Variants in DAB1 observed in about 807,000 individuals in gnomAD.
DAB1 encodes DAB adaptor protein 1.
Under a neutral mutation model 64.6 loss-of-function variants are expected in DAB1, and 15 were observed. That is an observed-to-expected ratio of 0.23 (90% confidence interval 0.16 to 0.36). The LOEUF (loss-of-function observed/expected upper bound fraction) is 0.36, where lower values mean the gene tolerates loss of function less well. Ranked by LOEUF, DAB1 falls within the 10% of genes least tolerant of loss-of-function variation. The probability of loss-of-function intolerance (pLI) is 1.00; values close to 1 mark genes in which losing one functional copy is unlikely to be tolerated. For synonymous variants in DAB1, 235 were observed against 251.9 expected (o/e 0.93, Z 0.64); for missense variants, 596 against 706.7 (o/e 0.84, Z 1.78).
intron 4 of DAB1, among the ~76,000 whole-genome samples, chr1:58,318,794 A>G (rs1338339627): frequency 1.3e-5 from 2 of 152,192 alleles, no homozygotes; most frequent in African/African-American, 2.4e-5. Context: ...AAAGCTGGAA[A>G]GCAGGAAGAA....
chr1:57,198,640 T>TTCTCTCTC (rs139550960), intron 2 of DAB1, among the ~76,000 whole-genome samples: 7,282 of 130,990 alleles, frequency 0.056, 690 homozygotes, highest in African/African-American at 0.19. Context: ...TCCCTGCATC[T>TTCTCTCTC]TCTCTCTCTC....
chr1:57,576,647 A>C (rs1645252967), intron 7 of DAB1, among the ~76,000 whole-genome samples: 1 of 152,200 alleles, frequency 6.6e-6, no homozygotes, highest in Admixed American at 6.5e-5. Context: ...GAACTGTGAG[A>C]TGATAGATTT....
At chr1:58,495,308 T>C (rs1645780195) in intron 3 of DAB1, among the ~76,000 whole-genome samples, 1 of 152,050 alleles carries the variant, frequency 6.6e-6, no homozygotes, top group African/African-American at 2.4e-5. Context: ...TTAGGAGATA[T>C]ACCTAATGTT....
chr1:57,708,830 C>T (rs890221303), intron 6 of DAB1, among the ~76,000 whole-genome samples: 3 of 151,916 alleles, frequency 2.0e-5, no homozygotes, highest in East Asian at 1.9e-4. Flanking sequence ...AATGCAAGAC[C>T]GTCTTTCCTA....
intron 1 of DAB1, among the ~76,000 whole-genome samples, chr1:57,869,833 A>C (rs1414078516): frequency 6.6e-6 from 1 of 152,156 alleles, no homozygotes; most frequent in African/African-American, 2.4e-5. Context: ...TTATATTTAC[A>C]CATCTGATTT....
At chr1:57,439,433 T>TTTTTTTTGTTTTTTTTTTTTTTTTTG (rs1553181976) in intron 7 of DAB1, among the ~76,000 whole-genome samples, 1 of 131,926 alleles carries the variant, frequency 7.6e-6, no homozygotes, top group Non-Finnish European at 1.6e-5. Flanking sequence ...TTCTTTTTTT[T>TTTTTTTTGTTTTTTTTTTTTTTTTTG]TTTTTTTTTT....
intron 1 of DAB1, among the ~76,000 whole-genome samples, chr1:57,309,005 C>T (rs998923637): frequency 3.3e-5 from 5 of 152,146 alleles, no homozygotes; most frequent in Admixed American, 6.6e-5. Flanking sequence ...GCTTTGAATG[C>T]GGCCCAACAC....
In DAB1 at chr1:57,958,691, C is replaced by T. The variant is rs4912288; in HGVS notation, n.388-74529G>A. 6.4e-4 allele frequency among the ~76,000 whole-genome samples: 98 copies of T among 152,272 alleles called. 1 individual carries two copies. The highest frequency in any genetic ancestry group is 6.8e-3 in the Middle Eastern group (2 of 294). On this transcript the variant is annotated intron_variant and non_coding_transcript_variant, in intron 5 of 20. Transcript: ENST00000485760. Reference sequence around the variant, plus strand: ...TCACAGTTCTGGGGGTAGAAGTCCACAATCAAGGTTTCAGCAGGGTGGATT... The same window carrying T: ...TCACAGTTCTGGGGGTAGAAGTCCATAATCAAGGTTTCAGCAGGGTGGATT...
intron 7 of DAB1, among the ~76,000 whole-genome samples, chr1:57,446,021 T>C (rs1326304944): frequency 6.6e-6 from 1 of 152,210 alleles, no homozygotes; most frequent in East Asian, 1.9e-4. Context: ...AATCAGATTA[T>C]CTGTATTTAT....
chr1:58,294,590 C>T (rs571771728), intron 4 of DAB1, among the ~76,000 whole-genome samples: 16 of 152,200 alleles, frequency 1.1e-4, no homozygotes, highest in African/African-American at 3.6e-4. Context: ...TGCTAGATGT[C>T]ACAGAAACAT....
intron 1 of DAB1, among the ~76,000 whole-genome samples, chr1:57,357,744 C>G (rs1328564943): frequency 6.6e-6 from 1 of 151,862 alleles, no homozygotes; most frequent in Non-Finnish European, 1.5e-5. Flanking sequence ...ACATCCTTCT[C>G]ACGTGGCGGC....
At chr1:58,488,118 TAC>T (rs1645608556) in intron 3 of DAB1, among the ~76,000 whole-genome samples, 1 of 152,180 alleles carries the variant, frequency 6.6e-6, no homozygotes, top group Non-Finnish European at 1.5e-5. Context: ...TTTCTTTAAA[TAC>T]AGATTTAGTA....
chr1:58,521,571 A>G (rs1372335135), intron 2 of DAB1, among the ~76,000 whole-genome samples: 1 of 152,120 alleles, frequency 6.6e-6, no homozygotes, highest in African/African-American at 2.4e-5. Flanking sequence ...ATATTAACAA[A>G]GGGGACATTT....
chr1:57,100,273 A>G (rs1437827865), intron 4 of DAB1, among the ~76,000 whole-genome samples: 1 of 152,210 alleles, frequency 6.6e-6, no homozygotes, highest in Non-Finnish European at 1.5e-5. Context: ...GGTATGTGGC[A>G]CATGGTAAAG....
At chr1:57,541,010 C>T (rs533703002) in intron 7 of DAB1, among the ~76,000 whole-genome samples, 7 of 152,214 alleles carry the variant, frequency 4.6e-5, no homozygotes, top group South Asian at 2.1e-4. Flanking sequence ...GATAAATGCT[C>T]GAGGCGATGG....
chr1:57,903,014 A>G (rs1245344235), intron 5 of DAB1, among the ~76,000 whole-genome samples: 3 of 152,162 alleles, frequency 2.0e-5, no homozygotes, highest in Admixed American at 1.3e-4. Context: ...GCAAAGGCCC[A>G]TCTTCCATGT....
At chr1:58,431,605 T>G (rs1644874714) in intron 3 of DAB1, among the ~76,000 whole-genome samples, 1 of 150,918 alleles carries the variant, frequency 6.6e-6, no homozygotes, top group African/African-American at 2.4e-5. Context: ...AAAGAAAAAG[T>G]TTTGTGACAA....
chr1:57,056,198 C>A (rs1427773952), intron 9 of DAB1, among the ~76,000 whole-genome samples: 1 of 151,898 alleles, frequency 6.6e-6, no homozygotes, highest in East Asian at 1.9e-4. Context: ...CCATGATTAC[C>A]ACAATAAAAT....
intron 4 of DAB1, among the ~76,000 whole-genome samples, chr1:57,134,960 G>C (rs556889996): frequency 6.9e-4 from 105 of 152,294 alleles, no homozygotes; most frequent in African/African-American, 2.5e-3. Flanking sequence ...ATTTGATAAA[G>C]TAGCTATTGT....
Sources: allele counts gnomAD v4.1 joint callset (sites outside exome capture counted in the v4.1 genomes callset), GRCh38; gene constraint gnomAD v4.1.1; transcripts MANE v1.5; gene names NCBI Gene and HGNC (gene_info 2026-07-23, HGNC 2026-07-21).